The following ROBO1 variants were observed in gnomAD, a reference collection of about 807,000 sequenced individuals.
ROBO1 encodes roundabout homolog 1.
In ROBO1, 149 loss-of-function variants were observed where a neutral mutation model predicts 195.9. The ratio of observed to expected loss-of-function variants is 0.76; its 90% CI spans 0.67 to 0.87. ROBO1 has a LOEUF of 0.87. Ranked by LOEUF, ROBO1 falls within the 40% of genes least tolerant of loss-of-function variation. The pLI is 0.00. For synonymous variants in ROBO1, 816 were observed against 733.2 expected (o/e 1.11, Z -1.82); for missense variants, 1,933 against 2,068.3 (o/e 0.93, Z 1.27).
At chr3:78,930,486 A>T (rs1308824893) in intron 4 of ROBO1, among the ~76,000 whole-genome samples, 1 of 152,174 alleles carries the variant, frequency 6.6e-6, no homozygotes, top group Non-Finnish European at 1.5e-5. Context: ...ATTCCAGGTA[A>T]GAGAAAAACA....
intron 1 of ROBO1, among the ~76,000 whole-genome samples, chr3:79,643,199 G>A (rs770620144): frequency 1.2e-4 from 18 of 152,112 alleles, no homozygotes; most frequent in Non-Finnish European, 2.4e-4. Flanking sequence ...TGGACTCTAC[G>A]TTCTTCAGAT....
intron 3 of ROBO1, among the ~76,000 whole-genome samples, chr3:79,028,397 A>C (rs1279962787): frequency 6.6e-6 from 1 of 151,910 alleles, no homozygotes; most frequent in African/African-American, 2.4e-5. Context: ...CAGACATAAA[A>C]TATTCTTTAA....
At chr3:79,454,752 A>G (rs566204415) in intron 2 of ROBO1, among the ~76,000 whole-genome samples, 173 of 152,238 alleles carry the variant, frequency 1.1e-3, no homozygotes, top group African/African-American at 4.0e-3. Context: ...TTTTATATCC[A>G]TGCATCTCAT....
At chr3:79,428,420 T>C (rs1575813198) in intron 2 of ROBO1, among the ~76,000 whole-genome samples, 1 of 152,172 alleles carries the variant, frequency 6.6e-6, no homozygotes, top group African/African-American at 2.4e-5. Context: ...GCCTGTGACA[T>C]GGGAGGTGCT....
chr3:79,138,439 C>T (rs188849137), intron 2 of ROBO1, among the ~76,000 whole-genome samples: 178 of 152,098 alleles, frequency 1.2e-3, no homozygotes, highest in African/African-American at 2.2e-3. Context: ...TATGAATTAC[C>T]TCCTTATGTT....
chr3:79,190,848 G>A (rs2081527701), intron 2 of ROBO1, among the ~76,000 whole-genome samples: 1 of 151,546 alleles, frequency 6.6e-6, no homozygotes, highest in South Asian at 2.1e-4. Flanking sequence ...GTGAAACTGT[G>A]ATTAATGACT....
At chr3:79,509,174 A>G (rs553447419) in intron 2 of ROBO1, among the ~76,000 whole-genome samples, 1 of 152,294 alleles carries the variant, frequency 6.6e-6, no homozygotes, top group Non-Finnish European at 1.5e-5. Context: ...ACCTAAAGGA[A>G]TCACCTAGAC....
intron 2 of ROBO1, among the ~76,000 whole-genome samples, chr3:79,139,847 C>G (rs1033911454): frequency 2.4e-4 from 36 of 152,238 alleles, no homozygotes; most frequent in Admixed American, 1.3e-4. Flanking sequence ...CACTCCCTTC[C>G]AGTCAAAGCA....
intron 2 of ROBO1, among the ~76,000 whole-genome samples, chr3:79,548,376 G>A (rs893727406): frequency 2.0e-5 from 3 of 152,100 alleles, no homozygotes; most frequent in South Asian, 2.1e-4. Context: ...CTGACTCCAC[G>A]GATACCCATG....
At chr3:79,386,338 G>C (rs770512755) in intron 2 of ROBO1, among the ~76,000 whole-genome samples, 1 of 151,978 alleles carries the variant, frequency 6.6e-6, no homozygotes, top group African/African-American at 2.4e-5. Context: ...ATTTAAAAAC[G>C]GGGAAGAGGA....
chr3:79,559,527 C>T (rs1185736586), intron 2 of ROBO1, among the ~76,000 whole-genome samples: 3 of 152,130 alleles, frequency 2.0e-5, no homozygotes, highest in Non-Finnish European at 4.4e-5. Flanking sequence ...CTTGTTCTTT[C>T]GATTTTAGAA....
intron 2 of ROBO1, among the ~76,000 whole-genome samples, chr3:79,218,740 G>C (rs1175518927): frequency 6.6e-6 from 1 of 151,906 alleles, no homozygotes; most frequent in East Asian, 1.9e-4. Context: ...ATACTTCCAA[G>C]TGGTATTGTC....
intron 3 of ROBO1, among the ~76,000 whole-genome samples, chr3:79,084,051 C>G (rs181967436): frequency 2.6e-5 from 4 of 152,180 alleles, no homozygotes; most frequent in Non-Finnish European, 1.5e-5. Flanking sequence ...AAACAGAATG[C>G]CTTTAACATT....
chr3:79,765,250 C>T (rs1230282203), intron 1 of ROBO1, among the ~76,000 whole-genome samples: 1 of 152,120 alleles, frequency 6.6e-6, no homozygotes, highest in Non-Finnish European at 1.5e-5. Flanking sequence ...ACCGTGGCAA[C>T]AATATAAGGT....
chr3:79,685,944 C>T (rs1947094205), intron 1 of ROBO1, among the ~76,000 whole-genome samples: 1 of 152,148 alleles, frequency 6.6e-6, no homozygotes, highest in African/African-American at 2.4e-5. Context: ...GACCAATATC[C>T]TTGATGAAAG....
At chr3:78,998,917 A>G (rs2077430393) in intron 3 of ROBO1, among the ~76,000 whole-genome samples, 1 of 152,070 alleles carries the variant, frequency 6.6e-6, no homozygotes, top group African/African-American at 2.4e-5. Flanking sequence ...CTTAACACAG[A>G]ATATCTTCAT....
intron 3 of ROBO1, among the ~76,000 whole-genome samples, chr3:79,060,866 A>G (rs984927960): frequency 8.0e-4 from 122 of 152,166 alleles, no homozygotes; most frequent in African/African-American, 2.8e-3. Context: ...AATAAGAGCT[A>G]TTTATGACAT....
At chr3:78,945,540 A>G (rs927574225) in intron 3 of ROBO1, among the ~76,000 whole-genome samples, 1 of 152,160 alleles carries the variant, frequency 6.6e-6, no homozygotes, top group Non-Finnish European at 1.5e-5. Flanking sequence ...ATCAAAGACC[A>G]AAGGTAGATA....
At chr3:79,038,857 G>A (rs1366141425) in intron 3 of ROBO1, among the ~76,000 whole-genome samples, 1 of 152,088 alleles carries the variant, frequency 6.6e-6, no homozygotes, top group Non-Finnish European at 1.5e-5. Context: ...CTATGGCCAG[G>A]AAGAAAGACT....
Sources: allele counts gnomAD v4.1 joint callset (sites outside exome capture counted in the v4.1 genomes callset), GRCh38; gene constraint gnomAD v4.1.1; transcripts MANE v1.5; gene names NCBI Gene and HGNC (gene_info 2026-07-23, HGNC 2026-07-21).